The following SEM1 variants were observed in gnomAD, a reference collection of about 807,000 sequenced individuals.
The protein encoded by SEM1 is SEM1 26S proteasome subunit, also known as 26S proteasome complex subunit SEM1.
SEM1 carries 3 observed loss-of-function variants against 12.7 expected under a neutral mutation model. The observed-to-expected ratio is 0.24, with a 90% CI of 0.11 to 0.61. The LOEUF is 0.61. SEM1 is among the 20% of genes least tolerant of loss of function. SEM1 has a pLI of 0.88. For synonymous variants in SEM1, 30 were observed against 27.8 expected (o/e 1.08, Z -0.25); for missense variants, 59 against 81.3 (o/e 0.73, Z 1.06).
At chr7:96,516,047 TA>T (rs890408957) in intron 2 of SEM1, among the ~76,000 whole-genome samples, 3 of 150,624 alleles carry the variant, frequency 2.0e-5, no homozygotes, top group Non-Finnish European at 4.4e-5. Flanking sequence ...CTTTTTCTTT[TA>T]AAAAAAAAGA....
intron 2 of SEM1, among the ~76,000 whole-genome samples, chr7:96,524,787 G>A (rs891844261): frequency 6.6e-6 from 1 of 151,966 alleles, no homozygotes; most frequent in African/African-American, 2.4e-5. Flanking sequence ...TCTCAATTCA[G>A]ATGCTAGATT....
chr7:96,543,390 C>T (rs1398147301), intron 2 of SEM1, among the ~76,000 whole-genome samples: 1 of 151,826 alleles, frequency 6.6e-6, no homozygotes, highest in Admixed American at 6.6e-5. Flanking sequence ...TTCCTAGAAC[C>T]AATCCCCCAT....
chr7:96,633,098 G>C (rs1240922726), intron 2 of SEM1, among the ~76,000 whole-genome samples: 1 of 151,980 alleles, frequency 6.6e-6, no homozygotes, highest in African/African-American at 2.4e-5. Flanking sequence ...CCCACTCCTG[G>C]TAGTTCAGAT....
intron 2 of SEM1, among the ~76,000 whole-genome samples, chr7:96,569,218 T>C (rs1400397013): frequency 6.6e-6 from 1 of 151,992 alleles, no homozygotes; most frequent in South Asian, 2.1e-4. Flanking sequence ...CCTTTGGAAA[T>C]TTTAGATTTT....
intron 2 of SEM1, among the ~76,000 whole-genome samples, chr7:96,648,235 TAGA>T (rs1216794986): frequency 6.6e-6 from 1 of 152,178 alleles, no homozygotes; most frequent in Non-Finnish European, 1.5e-5. Flanking sequence ...TCAACTATCA[TAGA>T]AGGAGTAGCA....
At chr7:96,699,532 C>T (rs1319606599) in intron 1 of SEM1, among the ~76,000 whole-genome samples, 1 of 152,190 alleles carries the variant, frequency 6.6e-6, no homozygotes, top group Non-Finnish European at 1.5e-5. Context: ...GCTGAGGCCA[C>T]AAACCACCTG....
At chr7:96,699,684 C>T (rs1031358972) in intron 1 of SEM1, among the ~76,000 whole-genome samples, 2 of 152,184 alleles carry the variant, frequency 1.3e-5, no homozygotes, top group Non-Finnish European at 2.9e-5. Flanking sequence ...GTTGCTACCT[C>T]GCACTGTACA....
chr7:96,492,585 A>ATTTTTT (rs59252542), intron 1 of SEM1, among the ~76,000 whole-genome samples: 1 of 79,676 alleles, frequency 1.3e-5, no homozygotes, highest in Non-Finnish European at 2.2e-5. Flanking sequence ...AATTTTTTGT[A>ATTTTTT]TTTTTTTTTT....
rs1350615370 is a variant in SEM1 at position 96,598,203 on chromosome 7, A to ATCT, written c.171-91506_171-91505insAGA. Among the ~76,000 whole-genome samples the ATCT allele has an allele frequency of 2.6e-5, 4 of 152,288 alleles. No homozygotes were observed. In the East Asian group the frequency reaches 7.7e-4, roughly 29 times the overall value. ...TTATCTACCTGCACCCTGAATTTTA[A>ATCT]AACTCAAAAAAAGATAATGAACTGG... On this transcript the variant is annotated intron_variant and NMD_transcript_variant, in intron 2 of 3. Transcript: ENST00000466986.
chr7:96,522,728 C>CA (rs1259455088), intron 2 of SEM1, among the ~76,000 whole-genome samples: 1 of 124,800 alleles, frequency 8.0e-6, no homozygotes. Context: ...AAATACCCCC[C>CA]CCCCAAAAAA....
In SEM1 at chr7:96,535,648, C is replaced by T. The variant is rs115580676; in HGVS notation, c.171-28950G>A. On this transcript the variant is annotated intron_variant and NMD_transcript_variant, in intron 2 of 3. Transcript: ENST00000466986. ...TCCTTCCTCCCCAGTATCTGTTGTT[C>T]GCCTCTTTCTGTCCATGTGTTCTCC... Among the ~76,000 whole-genome samples the T allele has an allele frequency of 2.5e-3, 385 of 151,832 alleles. 2 individuals carry two copies. The highest frequency in any genetic ancestry group is 9.1e-3 in the African/African-American group (378 of 41,482).
At chr7:96,671,708 C>T (rs1253851189), downstream of SEM1, among the ~76,000 whole-genome samples, 1 of 152,132 alleles carries the variant, frequency 6.6e-6, no homozygotes, top group Non-Finnish European at 1.5e-5. Flanking sequence ...GCATCCTACC[C>T]TGGAGAAACT....
chr7:96,557,638 CT>C (rs552194377), intron 2 of SEM1, among the ~76,000 whole-genome samples: 1 of 118,050 alleles, frequency 8.5e-6, no homozygotes, highest in African/African-American at 2.7e-5. Context: ...TTACTGCTGT[CT>C]TTTTGTTTGT....
At chr7:96,490,675 G>A (rs1802970889) in intron 1 of SEM1, among the ~76,000 whole-genome samples, 1 of 152,042 alleles carries the variant, frequency 6.6e-6, no homozygotes, top group African/African-American at 2.4e-5. Flanking sequence ...GGTGGGGGTG[G>A]ACTAACATGC....
intron 2 of SEM1, among the ~76,000 whole-genome samples, chr7:96,611,549 A>G (rs1055079834): frequency 6.6e-6 from 1 of 152,212 alleles, no homozygotes; most frequent in Non-Finnish European, 1.5e-5. Context: ...TGTGATGGGC[A>G]ATAAAATAAA....
intron 2 of SEM1, among the ~76,000 whole-genome samples, chr7:96,644,385 T>G: frequency 6.6e-6 from 1 of 152,146 alleles, no homozygotes; most frequent in East Asian, 1.9e-4. Context: ...ATAGATCTTC[T>G]GTAAGGTTTG....
upstream of SEM1, among the ~76,000 whole-genome samples, chr7:96,496,753 A>C (rs985928155): frequency 2.0e-5 from 3 of 152,164 alleles, no homozygotes; most frequent in Non-Finnish European, 4.4e-5. Context: ...AATTTTGTAG[A>C]GCTATCTCAC....
At chr7:96,614,155 G>A (rs1039404201) in intron 2 of SEM1, among the ~76,000 whole-genome samples, 1 of 151,984 alleles carries the variant, frequency 6.6e-6, no homozygotes, top group African/African-American at 2.4e-5. Context: ...ATCTACTTGA[G>A]GATCTTAAAT....
chr7:96,677,810 T>TA (rs980903130), intron 2 of SEM1, among the ~76,000 whole-genome samples: 107 of 152,084 alleles, frequency 7.0e-4, no homozygotes, highest in African/African-American at 2.5e-3. Flanking sequence ...TAATTACCCA[T>TA]AAAAAATCTA....
Sources: gnomAD v4.1 joint callset for allele counts (sites outside exome capture counted in the v4.1 genomes callset) on GRCh38, gnomAD v4.1.1 for gene constraint, MANE v1.5 for transcripts, NCBI Gene and HGNC (gene_info 2026-07-23, HGNC 2026-07-21) for gene names.